The following MNAT1 variants were observed in gnomAD, a reference collection of about 807,000 sequenced individuals.
The protein encoded by MNAT1 is CDK-activating kinase assembly factor MAT1.
MNAT1 carries 43 observed loss-of-function variants against 42.0 expected under a neutral mutation model. That is an observed-to-expected ratio of 1.02 (90% CI 0.80 to 1.32). The LOEUF (loss-of-function observed/expected upper bound fraction) is 1.32. Among genes scored for constraint, MNAT1 ranks in the 40% most tolerant of loss-of-function variants. The probability of loss-of-function intolerance (pLI) is 0.00; values close to 1 mark genes in which losing one functional copy is unlikely to be tolerated. For synonymous variants in MNAT1, 118 were observed against 120.0 expected, an observed-to-expected ratio of 0.98 and a Z score of 0.11; for missense variants, 306 against 350.4, an observed-to-expected ratio of 0.87 and a Z score of 1.01.
At chr14:60,914,560 A>AC (rs1022305194) in intron 7 of MNAT1, among the ~76,000 whole-genome samples, 3 of 151,208 alleles carry the variant, frequency 2.0e-5, no homozygotes, top group African/African-American at 7.3e-5. Context: ...ATATGGTAAA[A>AC]AAAAAAATCT....
At chr14:60,799,239 C>T (rs1333331261) in intron 3 of MNAT1, 5 of 985,066 alleles carry the variant, frequency 5.1e-6, no homozygotes, top group African/African-American at 1.7e-5. Context: ...GTACTCATTG[C>T]ACTTTGTATG....
At chr14:60,806,338 G>A (rs2139343187) in intron 3 of MNAT1, among the ~76,000 whole-genome samples, 2 of 152,336 alleles carry the variant, frequency 1.3e-5, no homozygotes, top group Admixed American at 1.3e-4. Context: ...GATATTCACT[G>A]TTGTTCTGGG....
chr14:60,810,347 T>A (rs1347489613), intron 4 of MNAT1, among the ~76,000 whole-genome samples: 1 of 152,086 alleles, frequency 6.6e-6, no homozygotes, highest in Non-Finnish European at 1.5e-5. Flanking sequence ...TTTGCTCTAA[T>A]GTTTGTTATT....
At chr14:60,752,465 G>T (rs1174906591) in intron 1 of MNAT1, among the ~76,000 whole-genome samples, 1 of 152,018 alleles carries the variant, frequency 6.6e-6, no homozygotes, top group Non-Finnish European at 1.5e-5. Context: ...TTTGACAAAA[G>T]AAAAAAATTA....
chr14:60,867,586 A>G (rs957194751), intron 6 of MNAT1, among the ~76,000 whole-genome samples: 13 of 152,138 alleles, frequency 8.5e-5, no homozygotes, highest in Non-Finnish European at 1.9e-4. Context: ...TAGTATATGT[A>G]GAATCAAATT....
intron 1 of MNAT1, among the ~76,000 whole-genome samples, chr14:60,780,909 T>G (rs2031436472): frequency 1.3e-5 from 2 of 152,216 alleles, no homozygotes; most frequent in Non-Finnish European, 2.9e-5. Context: ...TAAAGCTAAG[T>G]GCTTTCCTAA....
rs768358493 is a variant in MNAT1 at position 60,968,632 on chromosome 14, G to A, written c.*283G>A. The A allele has an allele frequency of 1.3e-6, 1 of 753,512 alleles. No individual in the cohort carries two copies. Among genetic ancestry groups the A allele is most frequent in the South Asian group, 1.7e-5 (1 of 58,762 alleles). 46.7% of individuals were successfully genotyped at this position (753,512 alleles called of 1,614,324 possible). On this transcript the variant is annotated 3_prime_UTR_variant, in exon 8 of 8. Transcript: ENST00000261245. ...TTCACCTATATGTGTTTGAGGTTGT[G>A]ACAGACTTATAAAATCTTTTTAAAA...
In MNAT1 at chr14:60,884,488, C is replaced by A. The variant is rs549748167; in HGVS notation, c.809+4653C>A. Among the ~76,000 whole-genome samples, 19 of 152,038 alleles carry A rather than the reference C, an allele frequency of 1.2e-4. No individual in the cohort carries two copies. In the South Asian group the frequency reaches 3.9e-3, roughly 31 times the overall value. ...CTTGCTAGTATTTTGTTGAGGCTTG[C>A]AAACACTATCTTATAACCCATTATT... On this transcript the variant is annotated intron_variant, in intron 7 of 7. Transcript: ENST00000261245.
rs958242683 is a variant in MNAT1, at chr14:60,939,045, G to T, written c.810-29184G>T. 1.8e-4 allele frequency among the ~76,000 whole-genome samples: 28 copies of T among 152,070 alleles called. 1 individual carries two copies. The highest frequency in any genetic ancestry group is 1.5e-3 in the South Asian group (7 of 4,810). On this transcript the variant is annotated intron_variant, in intron 7 of 7. Coordinates refer to ENST00000261245, the MANE Select transcript of MNAT1 (RefSeq NM_002431.4). ...AGAGGTGTTTATAGTATTCTCTGAT[G>T]GTAGTTTGTATTTCTGTGGGATCGG...
intron 7 of MNAT1, among the ~76,000 whole-genome samples, chr14:60,934,387 C>G (rs1452151726): frequency 6.6e-6 from 1 of 152,134 alleles, no homozygotes; most frequent in Non-Finnish European, 1.5e-5. Flanking sequence ...CAACTGTAAA[C>G]TATGACCATG....
Position 60,812,851 on chromosome 14 carries a change from C to T in MNAT1, c.561+724C>T, listed in dbSNP as rs578066353. ...CCTCTCTGCTAAGAGCTGTTTTCAT[C>T]GCTCAATAAAATTATCACCTTCGCC... On this transcript the variant is annotated intron_variant, in intron 5 of 7. Transcript: ENST00000261245. Among the ~76,000 whole-genome samples the T allele has an allele frequency of 3.3e-4, 51 of 152,282 alleles. No individual in the cohort carries two copies. The South Asian group carries it at 3.5e-3, about 11-fold the overall frequency.
chr14:60,816,687 G>A (rs2032726104), intron 5 of MNAT1, among the ~76,000 whole-genome samples: 1 of 152,042 alleles, frequency 6.6e-6, no homozygotes, highest in Non-Finnish European at 1.5e-5. Flanking sequence ...CTGCATGTTA[G>A]ATATTCCCCA....
chr14:60,796,513 A>G, intron 2 of MNAT1, 144 bp downstream of exon 2: 1 of 705,846 alleles, frequency 1.4e-6, no homozygotes, highest in East Asian at 2.9e-5. Flanking sequence ...GAACTGAGTA[A>G]TATTATTTAT....
In MNAT1 at chr14:60,871,626, AT is replaced by A. The variant is rs780054741; in HGVS notation, c.688-8075del. Among the ~76,000 whole-genome samples the A allele has an allele frequency of 6.9e-3, 982 of 143,164 alleles. 14 individuals carry two copies. Among genetic ancestry groups the A allele is most frequent in the African/African-American group, 0.019 (749 of 39,398 alleles). 93.9% of individuals were successfully genotyped at this position (143,164 alleles called of 152,430 possible). A position where few individuals can be genotyped will look rare whatever the true frequency, so the allele number is the denominator to read the frequency against. The stretch of plus-strand genomic sequence containing the variant: ...TGTCTTTTTATTAGTCAATTCTAGG[AT>A]TTTTTTTTTTTTGACACAGAGTTTC... On this transcript the variant is annotated intron_variant, in intron 6 of 7. Transcript: ENST00000261245.
chr14:60,830,140 G>A lies in MNAT1; in HGVS notation c.687+11293G>A, dbSNP rs190005066. On this transcript the variant is annotated intron_variant, in intron 6 of 7. Coordinates refer to ENST00000261245, the MANE Select transcript of MNAT1 (RefSeq NM_002431.4). ...AGACTTAAATTAAACCTAGAGAAAAGTAGAGTTTCAGAAAAATGGAAAGGA... is the reference window on the plus strand; with the variant it reads ...AGACTTAAATTAAACCTAGAGAAAAATAGAGTTTCAGAAAAATGGAAAGGA... Among the ~76,000 whole-genome samples, 256 of 152,248 alleles carry A rather than the reference G, an allele frequency of 1.7e-3. 1 individual carries two copies. Among genetic ancestry groups the A allele is most frequent in the African/African-American group, 5.4e-3 (226 of 41,554 alleles).
chr14:60,781,457 A>G (rs2031457342), intron 1 of MNAT1, among the ~76,000 whole-genome samples: 1 of 152,042 alleles, frequency 6.6e-6, no homozygotes, highest in Admixed American at 6.6e-5. Context: ...TTCCCCTCCC[A>G]CTTATGAAAA....
intron 7 of MNAT1, among the ~76,000 whole-genome samples, chr14:60,904,303 G>A (rs1264935179): frequency 2.6e-5 from 4 of 152,116 alleles, no homozygotes; most frequent in East Asian, 3.8e-4. Flanking sequence ...ATACTTGGTG[G>A]TAATTATGAA....
intron 1 of MNAT1, chr14:60,780,540 C>T (rs2031420301): frequency 6.5e-7 from 1 of 1,539,464 alleles, no homozygotes; most frequent in African/African-American, 1.4e-5. Context: ...TCATTTACTA[C>T]TACAATCCAC....
chr14:60,742,231 G>T (rs921068783), intron 1 of MNAT1, among the ~76,000 whole-genome samples: 2 of 151,932 alleles, frequency 1.3e-5, no homozygotes, highest in African/African-American at 4.8e-5. Context: ...GACTACAGGT[G>T]TGCACTGCCA....
Sources: allele counts gnomAD v4.1 joint callset (sites outside exome capture counted in the v4.1 genomes callset), GRCh38; gene constraint gnomAD v4.1.1; transcripts MANE v1.5; gene names NCBI Gene and HGNC (gene_info 2026-07-23, HGNC 2026-07-21).